The following PHF21B variants were observed in gnomAD, a reference collection of about 807,000 sequenced individuals.
PHF21B encodes the protein PHD finger protein 21B.
Under a neutral mutation model 62.2 loss-of-function variants are expected in PHF21B, and 22 were observed. That is an observed-to-expected ratio of 0.35 (90% CI 0.25 to 0.51). PHF21B has a LOEUF of 0.51. PHF21B is among the 20% of genes least tolerant of loss of function. The probability of loss-of-function intolerance (pLI) is 0.97; values close to 1 mark genes in which losing one functional copy is unlikely to be tolerated. For missense variants in PHF21B, 701 were observed against 707.9 expected (o/e 0.99, Z 0.11); for synonymous variants, 341 against 314.7 (o/e 1.08, Z -0.88).
intron 2 of PHF21B, among the ~76,000 whole-genome samples, chr22:44,990,850 T>C (rs1601686566): frequency 6.6e-6 from 1 of 152,206 alleles, no homozygotes; most frequent in African/African-American, 2.4e-5. Flanking sequence ...TTTGCTGCAA[T>C]AAAAATTTCG....
intron 2 of PHF21B, among the ~76,000 whole-genome samples, chr22:44,923,241 A>G (rs774920999): frequency 3.9e-5 from 6 of 152,128 alleles, no homozygotes; most frequent in Non-Finnish European, 8.8e-5. Flanking sequence ...TTAGTACAAA[A>G]AAGATAATGT....
Position 44,917,577 on chromosome 22 carries a change from G to A in PHF21B, c.214-947C>T, listed in dbSNP as rs139805005. Reference sequence around the variant, plus strand: ...CGACCTGCCTTCTCATCTGAACCCCGCTGCGCTCGCACTGCAGGGTGGCCA... The same window carrying A: ...CGACCTGCCTTCTCATCTGAACCCCACTGCGCTCGCACTGCAGGGTGGCCA... On this transcript the variant is annotated intron_variant, in intron 3 of 12. Coordinates refer to ENST00000313237, the MANE Select transcript of PHF21B (RefSeq NM_138415.5). Among the ~76,000 whole-genome samples, 17 of 152,320 alleles carry A rather than the reference G, an allele frequency of 1.1e-4. No homozygotes were observed. The South Asian group carries it at 1.5e-3, about 13-fold the overall frequency.
intron 12 of PHF21B, among the ~76,000 whole-genome samples, chr22:44,883,958 C>G (rs991095025): frequency 6.6e-6 from 1 of 151,148 alleles, no homozygotes; most frequent in African/African-American, 2.5e-5. Context: ...ACACCACCAT[C>G]ATCACCATTA....
rs143329865 is a variant in PHF21B, at chr22:44,960,669, C to A, written c.121-40179G>T. Reference sequence around the variant, plus strand: ...ATGAGACTCACATCTGAATTAGTGGCCTGAGTAAAGCAGGTGGCCCTCACC... The same window carrying A: ...ATGAGACTCACATCTGAATTAGTGGACTGAGTAAAGCAGGTGGCCCTCACC... On this transcript the variant is annotated intron_variant, in intron 2 of 12. Transcript: ENST00000313237. Among the ~76,000 whole-genome samples the A allele has an allele frequency of 7.2e-5, 11 of 152,316 alleles. No individual in the cohort carries two copies. In the East Asian group the frequency reaches 2.1e-3, roughly 29 times the overall value.
chr22:44,915,695 A>G (rs1569225314), intron 4 of PHF21B, among the ~76,000 whole-genome samples: 3 of 152,222 alleles, frequency 2.0e-5, no homozygotes, highest in Non-Finnish European at 4.4e-5. Flanking sequence ...CAGACCCCAA[A>G]TGGGGAACAG....
intron 2 of PHF21B, among the ~76,000 whole-genome samples, chr22:44,921,421 C>T (rs1015065119): frequency 1.3e-4 from 20 of 151,234 alleles, no homozygotes; most frequent in Non-Finnish European, 2.4e-4. Flanking sequence ...GGCTGGAGTG[C>T]AGTGGCGCGA....
chr22:44,883,987 T>C (rs1377420270), intron 12 of PHF21B, among the ~76,000 whole-genome samples: 1 of 150,270 alleles, frequency 6.7e-6, no homozygotes, highest in African/African-American at 2.5e-5. Context: ...ATTACCACCA[T>C]CACCACCACC....
Position 44,986,332 on chromosome 22 carries a change from T to C in PHF21B, c.120+22213A>G, listed in dbSNP as rs117526766. On this transcript the variant is annotated intron_variant, in intron 2 of 12. Transcript: ENST00000313237. ...ATCACCATTATCACGACAACCATCA[T>C]CACCATGACAACATTACCAGCAGCA... Among the ~76,000 whole-genome samples the C allele has an allele frequency of 1.6e-3, 233 of 143,300 alleles. 1 individual carries two copies. Among genetic ancestry groups the C allele is most frequent in the East Asian group, 0.016 (73 of 4,672 alleles). 94.0% of individuals were successfully genotyped at this position (143,300 alleles called of 152,430 possible).
chr22:44,927,302 C>T (rs1035139193), intron 2 of PHF21B, among the ~76,000 whole-genome samples: 4 of 152,140 alleles, frequency 2.6e-5, no homozygotes, highest in Admixed American at 6.5e-5. Flanking sequence ...TCCAAACCAA[C>T]GGCCTGTGTG....
chr22:44,980,167 C>T (rs1302681337), intron 2 of PHF21B, among the ~76,000 whole-genome samples: 2 of 151,946 alleles, frequency 1.3e-5, no homozygotes, highest in East Asian at 1.9e-4. Context: ...GCTGTGCAAC[C>T]ACCACCCCTG....
chr22:44,887,156 CAAAA>C (rs565346064), intron 10 of PHF21B, among the ~76,000 whole-genome samples: 1 of 65,088 alleles, frequency 1.5e-5, no homozygotes. Flanking sequence ...AACTCCATCT[CAAAA>C]AAAAAAAAAA....
At chr22:44,967,970 A>G (rs539664242) in intron 2 of PHF21B, among the ~76,000 whole-genome samples, 1 of 152,242 alleles carries the variant, frequency 6.6e-6, no homozygotes, top group East Asian at 1.9e-4. Flanking sequence ...GAAGACTGTA[A>G]AGGTGTCTGG....
chr22:44,891,269 G>T, intron 8 of PHF21B, 37 bp downstream of exon 8: 1 of 1,610,836 alleles, frequency 6.2e-7, no homozygotes, highest in African/African-American at 1.3e-5. Flanking sequence ...CCGCGGCCCT[G>T]AGCAGCTCTG....
intron 2 of PHF21B, among the ~76,000 whole-genome samples, chr22:45,002,488 C>T (rs908610282): frequency 6.6e-6 from 1 of 152,242 alleles, no homozygotes; most frequent in Non-Finnish European, 1.5e-5. Context: ...AACCCCCACC[C>T]TCACAGCCTG....
intron 2 of PHF21B, among the ~76,000 whole-genome samples, chr22:44,980,238 C>G (rs2072815109): frequency 6.6e-6 from 1 of 152,200 alleles, no homozygotes. Flanking sequence ...TGCAGGATGT[C>G]AGCATGTCTG....
intron 5 of PHF21B, among the ~76,000 whole-genome samples, chr22:44,901,337 T>C (rs1324926752): frequency 6.6e-6 from 1 of 151,980 alleles, no homozygotes; most frequent in Non-Finnish European, 1.5e-5. Context: ...CACATCATCT[T>C]CTCCTCCCCG....
intron 5 of PHF21B, among the ~76,000 whole-genome samples, chr22:44,912,004 T>C (rs2071351996): frequency 1.3e-5 from 2 of 152,268 alleles, no homozygotes; most frequent in Admixed American, 1.3e-4. Context: ...GACCTGGATC[T>C]GAGACAGGGA....
At chr22:44,992,677 C>T (rs1483145794) in intron 2 of PHF21B, among the ~76,000 whole-genome samples, 1 of 152,208 alleles carries the variant, frequency 6.6e-6, no homozygotes, top group Non-Finnish European at 1.5e-5. Context: ...AGGAAGAGCT[C>T]CAGCCCCACT....
chr22:44,893,542 G>T lies in PHF21B; in HGVS notation c.884-9C>A. On this transcript the variant is annotated splice_polypyrimidine_tract_variant and intron_variant, in intron 6 of 12. Coordinates refer to ENST00000313237, the MANE Select transcript of PHF21B (RefSeq NM_138415.5). The stretch of plus-strand genomic sequence containing the variant: ...TCGCTTGCTCTGGATTTCTGGAAAG[G>T]CACAGACACAGCAGTTACTGGGTCC... 1 of 1,593,764 alleles carries T rather than the reference G, an allele frequency of 6.3e-7. No homozygotes were observed.
Sources: allele counts gnomAD v4.1 joint callset (sites outside exome capture counted in the v4.1 genomes callset), GRCh38; gene constraint gnomAD v4.1.1; transcripts MANE v1.5; gene names NCBI Gene and HGNC (gene_info 2026-07-23, HGNC 2026-07-21).